Variants in ZNF563 observed in about 807,000 individuals in gnomAD.
ZNF563 encodes zinc finger protein 563.
Under a neutral mutation model 48.5 loss-of-function variants are expected in ZNF563, and 39 were observed. The ratio of observed to expected loss-of-function variants is 0.80; its 90% CI spans 0.62 to 1.05. The LOEUF (loss-of-function observed/expected upper bound fraction) is 1.05. Among genes scored for constraint, ZNF563 ranks in the 50% least tolerant of loss-of-function variants. The pLI, the probability that ZNF563 is intolerant of heterozygous loss-of-function variation, is 0.00. For missense variants in ZNF563, 538 were observed against 597.0 expected (o/e 0.90, Z 1.03); for synonymous variants, 168 against 187.9 (o/e 0.89, Z 0.87).
At chr19:12,341,033 C>A in the ZNF563 span, among the ~76,000 whole-genome samples, 1 of 151,938 alleles carries the variant, frequency 6.6e-6, no homozygotes, top group Non-Finnish European at 1.5e-5. Context: ...AATACATGGA[C>A]AATTATAAAA....
chr19:12,343,725 CTTTTTTTTTT>C, the ZNF563 span, among the ~76,000 whole-genome samples: 2 of 110,886 alleles, frequency 1.8e-5, no homozygotes, highest in Non-Finnish European at 3.6e-5. Flanking sequence ...AGCATAAATT[CTTTTTTTTTT>C]TTTTTTTTTT....
rs559666888 is a variant in ZNF563, at chr19:12,333,374, G to A, written c.3+106C>T. 4.4e-5 allele frequency: 66 copies of A among 1,487,012 alleles called. 1 individual carries two copies. Among genetic ancestry groups the A allele is most frequent in the Non-Finnish European group, 4.1e-5 (45 of 1,089,620 alleles). The allele number at this position is 1,487,012 out of a possible 1,614,324, so 92.1% of individuals were successfully genotyped here. A position where few individuals can be genotyped will look rare whatever the true frequency, so the allele number is the denominator to read the frequency against. ...CTGCGCCAGGGGGACTCGGGTCCCAGACCCCGGAGCTGACGGCGGGGGAGG... is the reference window on the plus strand; with the variant it reads ...CTGCGCCAGGGGGACTCGGGTCCCAAACCCCGGAGCTGACGGCGGGGGAGG... On this transcript the variant is annotated intron_variant, in intron 1 of 3. Transcript: ENST00000293725.
intron 2 of ZNF563, 85 bp downstream of exon 2, chr19:12,322,500 C>T: frequency 7.1e-7 from 1 of 1,404,030 alleles, no homozygotes; most frequent in Non-Finnish European, 9.5e-7. Flanking sequence ...TATGCCCTTT[C>T]CATATTTCAA....
At chr19:12,343,083 G>A in the ZNF563 span, among the ~76,000 whole-genome samples, 1 of 151,802 alleles carries the variant, frequency 6.6e-6, no homozygotes, top group African/African-American at 2.4e-5. Context: ...TGTAATCCCA[G>A]CTACTTGAGA....
upstream of ZNF563, chr19:12,333,775 CT>C (rs1968981914): frequency 8.4e-6 from 4 of 478,000 alleles, no homozygotes; most frequent in Non-Finnish European, 1.5e-5. Flanking sequence ...GTCCCGCCCC[CT>C]GGGCACTGAG....
In ZNF563 at chr19:12,319,153, C is replaced by G. The variant is rs764621328; in HGVS notation, c.872G>C (p.Ser291Thr). 2 of 1,613,932 alleles carry G rather than the reference C, an allele frequency of 1.2e-6. No individual in the cohort carries two copies. Among genetic ancestry groups the G allele is most frequent in the Admixed American group, 1.7e-5 (1 of 59,986 alleles). The stretch of plus-strand genomic sequence containing the variant: ...ATGTCTTCGAAGGGAACTGGAAACA[C>G]TGAAGGCTTTCCCACACTGTTTACA... ...YTCKQCGKAF[S>T]VSSSLRRHET... Residue 291 changes from serine to threonine, a missense_variant, in exon 4 of 4, where the codon AGT becomes ACT. By Grantham distance (58) the Ser-to-Thr change is moderately conservative (BLOSUM62 1). Transcript: ENST00000293725.
rs1968540004 is a variant in ZNF563 at position 12,319,382 on chromosome 19, G to C, written c.643C>G (p.His215Asp). ...TTCTCTCCAGTGTGAGTTCTTTCAT[G>C]CATACGTAATAAACTGGGCCAAAAA... The part of the protein sequence containing the change: ...AFFWPSLLRM[H>D]ERTHTGEKPY... The change falls in exon 4 of 4, where the codon CAT becomes GAT. Residue 215 changes from histidine (H) to aspartate (D), a missense_variant. By Grantham distance (81) the His-to-Asp change is moderately conservative. Coordinates refer to ENST00000293725, the MANE Select transcript of ZNF563 (RefSeq NM_145276.3). The C allele has an allele frequency of 6.2e-7, 1 of 1,614,130 alleles. No homozygotes were observed. The highest frequency in any genetic ancestry group is 8.5e-7 in the Non-Finnish European group (1 of 1,180,030).
intron 1 of ZNF563, among the ~76,000 whole-genome samples, chr19:12,327,459 C>CAAAAAAAAAA (rs35937081): frequency 1.4e-5 from 1 of 71,926 alleles, no homozygotes; most frequent in African/African-American, 5.1e-5. Context: ...CACTCCATCT[C>CAAAAAAAAAA]AAAAAAAAAA....
chr19:12,340,775 TC>T, the ZNF563 span, among the ~76,000 whole-genome samples: 1,688 of 150,136 alleles, frequency 0.011, 39 homozygotes, highest in African/African-American at 0.039. Flanking sequence ...AGACTCCATC[TC>T]CAAAAAAAAA....
chr19:12,324,377 A>T (rs1412707753), intron 1 of ZNF563, among the ~76,000 whole-genome samples: 2 of 152,086 alleles, frequency 1.3e-5, no homozygotes, highest in Non-Finnish European at 1.5e-5. Flanking sequence ...AAATAAAATT[A>T]CATTATCAAA....
At chr19:12,338,472 C>A (rs901133821), upstream of ZNF563, among the ~76,000 whole-genome samples, 1 of 152,156 alleles carries the variant, frequency 6.6e-6, no homozygotes, top group Non-Finnish European at 1.5e-5. Context: ...TGGTCTTGGA[C>A]TCCTGAACTC....
rs1968490303 is a variant in ZNF563, at chr19:12,318,493, G to C, written c.*101C>G. The C allele has an allele frequency of 7.8e-7, 1 of 1,281,624 alleles. No homozygotes were observed. Among genetic ancestry groups the C allele is most frequent in the African/African-American group, 1.5e-5 (1 of 66,804 alleles). 79.4% of individuals were successfully genotyped at this position (1,281,624 alleles called of 1,614,324 possible). A position where few individuals can be genotyped will look rare whatever the true frequency, so the allele number is the denominator to read the frequency against. ...TTTGAAAGGAATAAAAATTATGAAA[G>C]GCTTTCCCACATTTACATTTATAGG... is the stretch of plus-strand genomic sequence containing the variant. On this transcript the variant is annotated 3_prime_UTR_variant, in exon 4 of 4. Coordinates refer to ENST00000293725, the MANE Select transcript of ZNF563 (RefSeq NM_145276.3).
At chr19:12,337,205 T>G (rs1265516538), upstream of ZNF563, among the ~76,000 whole-genome samples, 2 of 150,000 alleles carry the variant, frequency 1.3e-5, no homozygotes, top group East Asian at 3.9e-4. Context: ...GTTAGCTTAT[T>G]TCTCTCTTTT....
At chr19:12,339,371 C>T in the ZNF563 span, among the ~76,000 whole-genome samples, 2 of 149,406 alleles carry the variant, frequency 1.3e-5, no homozygotes, top group African/African-American at 4.9e-5. Flanking sequence ...CCTCCGCCTC[C>T]TGGGTTCAAG....
At chr19:12,344,252 G>T in the ZNF563 span, among the ~76,000 whole-genome samples, 3 of 151,652 alleles carry the variant, frequency 2.0e-5, no homozygotes, top group Non-Finnish European at 4.4e-5. Context: ...AATTAGTTGG[G>T]TGTGGTGGCA....
At chr19:12,326,201 G>A (rs1165198857) in intron 1 of ZNF563, among the ~76,000 whole-genome samples, 1 of 152,012 alleles carries the variant, frequency 6.6e-6, no homozygotes. Context: ...AGGCAATGAT[G>A]AAGAAAAAAC....
At chr19:12,341,884 T>C in the ZNF563 span, among the ~76,000 whole-genome samples, 7,412 of 152,236 alleles carry the variant, frequency 0.049, 601 homozygotes, top group African/African-American at 0.17. Context: ...TATACAAGCA[T>C]ACTCCACCCA....
chr19:12,343,723 TTC>T, the ZNF563 span, among the ~76,000 whole-genome samples: 12 of 147,162 alleles, frequency 8.2e-5, no homozygotes, highest in South Asian at 2.2e-3. Flanking sequence ...GAAGCATAAA[TTC>T]TTTTTTTTTT....
chr19:12,341,328 A>G, the ZNF563 span, among the ~76,000 whole-genome samples: 1 of 152,254 alleles, frequency 6.6e-6, no homozygotes, highest in Non-Finnish European at 1.5e-5. Flanking sequence ...CTTGGATTAC[A>G]GGCATGAGCC....
Sources: allele counts gnomAD v4.1 joint callset (sites outside exome capture counted in the v4.1 genomes callset), GRCh38; gene constraint gnomAD v4.1.1; transcripts MANE v1.5; gene names NCBI Gene and HGNC (gene_info 2026-07-23, HGNC 2026-07-21).